Variants in NDUFAF6 observed in about 807,000 individuals in gnomAD.
The protein encoded by NDUFAF6 is NADH:ubiquinone oxidoreductase complex assembly factor 6.
Under a neutral mutation model 40.8 loss-of-function variants are expected in NDUFAF6, and 45 were observed. That is an observed-to-expected ratio of 1.10 (90% CI 0.87 to 1.42). The LOEUF is 1.42. Among genes scored for constraint, NDUFAF6 ranks in the 40% most tolerant of loss-of-function variants. NDUFAF6 has a pLI of 0.00. For synonymous variants in NDUFAF6, 185 were observed against 155.9 expected, an observed-to-expected ratio of 1.19 and a Z score of -1.39; for missense variants, 435 against 418.5, an observed-to-expected ratio of 1.04 and a Z score of -0.34.
intron 1 of NDUFAF6, chr8:94,896,674 C>T (rs1416357298): frequency 6.6e-6 from 1 of 152,064 alleles, no homozygotes; most frequent in African/African-American, 2.4e-5. Flanking sequence ...GACGGAGCCT[C>T]GCGGGCGGGA....
chr8:94,983,256 CTTTTTTTTTTT>C (rs1173077785), intron 2 of NDUFAF6, among the ~76,000 whole-genome samples: 3 of 83,186 alleles, frequency 3.6e-5, no homozygotes, highest in Admixed American at 1.2e-4. Flanking sequence ...CTTTGCTATT[CTTTTTTTTTTT>C]TTTTTTTTTT....
intron 1 of NDUFAF6, among the ~76,000 whole-genome samples, chr8:94,936,636 A>G (rs1358044420): frequency 6.6e-6 from 1 of 152,154 alleles, no homozygotes; most frequent in Admixed American, 6.5e-5. Context: ...CAGAATCACA[A>G]TGAAAACCTG....
chr8:95,095,100 A>T (rs553194461), intron 2 of NDUFAF6, among the ~76,000 whole-genome samples: 31 of 152,064 alleles, frequency 2.0e-4, no homozygotes, highest in Middle Eastern at 3.4e-3. Context: ...CACTCAACAG[A>T]TACTAACCAT....
intron 3 of NDUFAF6, 72 bp downstream of exon 3, chr8:95,035,648 T>TG: frequency 7.2e-7 from 1 of 1,393,850 alleles, no homozygotes; most frequent in South Asian, 1.2e-5. Flanking sequence ...GGATATAATT[T>TG]GGGTACTGGT....
chr8:95,025,275 G>A (rs1235793425), intron 1 of NDUFAF6, 70 bp downstream of exon 1: 2 of 1,315,120 alleles, frequency 1.5e-6, no homozygotes, highest in Non-Finnish European at 1.9e-6. Context: ...TGCGCCTCGC[G>A]TCTGGCCTGA....
intron 9 of NDUFAF6, among the ~76,000 whole-genome samples, chr8:95,065,147 T>C (rs2599707): frequency 0.88 from 133,269 of 152,160 alleles, 58,697 homozygotes; most frequent in East Asian, 1. Flanking sequence ...AGCCTAGGTA[T>C]TAGCAAATTA....
At chr8:95,002,802 G>T (rs557235635) in intron 2 of NDUFAF6, among the ~76,000 whole-genome samples, 15 of 152,206 alleles carry the variant, frequency 9.9e-5, no homozygotes, top group African/African-American at 3.1e-4. Flanking sequence ...GAGGCACCTG[G>T]TTGGCTCATA....
intron 1 of NDUFAF6, among the ~76,000 whole-genome samples, chr8:94,931,593 C>T (rs1820399592): frequency 2.0e-5 from 1 of 49,150 alleles, no homozygotes; most frequent in South Asian, 9.7e-4. Flanking sequence ...TTATTACACA[C>T]ACACACACAC....
At chr8:95,066,288 T>TTGC (rs1491151589) in intron 9 of NDUFAF6, among the ~76,000 whole-genome samples, 2 of 10,626 alleles carry the variant, frequency 1.9e-4, no homozygotes, top group Non-Finnish European at 4.1e-4. Context: ...GCTTGCTTGC[T>TTGC]TTTTTTTTTT....
intron 9 of NDUFAF6, chr8:95,069,178 C>T (rs1587226804): frequency 6.6e-6 from 1 of 151,912 alleles, no homozygotes; most frequent in East Asian, 1.9e-4. Flanking sequence ...GAGCACCAGG[C>T]ACTGTTCTGT....
chr8:95,032,765 A>G (rs889411025), intron 2 of NDUFAF6, among the ~76,000 whole-genome samples: 1 of 152,208 alleles, frequency 6.6e-6, no homozygotes, highest in Non-Finnish European at 1.5e-5. Flanking sequence ...GCAAATTTTG[A>G]CACAGATTCT....
intron 1 of NDUFAF6, among the ~76,000 whole-genome samples, chr8:94,923,007 G>A (rs1323387059): frequency 2.0e-5 from 3 of 152,142 alleles, no homozygotes; most frequent in African/African-American, 7.2e-5. Context: ...CAGCTCAAAT[G>A]TAGAAGCAAG....
chr8:95,104,467 G>A (rs1234461832), downstream of NDUFAF6, among the ~76,000 whole-genome samples: 1 of 152,096 alleles, frequency 6.6e-6, no homozygotes, highest in Admixed American at 6.5e-5. Flanking sequence ...ATGAAAGTAG[G>A]CATCTTACAG....
chr8:95,031,309 A>G (rs144357556), intron 1 of NDUFAF6, among the ~76,000 whole-genome samples: 30 of 152,322 alleles, frequency 2.0e-4, no homozygotes, highest in Non-Finnish European at 3.7e-4. Flanking sequence ...ACAGTCCTAC[A>G]TGAATTTCTA....
intron 2 of NDUFAF6, among the ~76,000 whole-genome samples, chr8:95,032,696 G>C (rs1164849996): frequency 3.9e-5 from 6 of 152,230 alleles, no homozygotes; most frequent in Non-Finnish European, 7.3e-5. Flanking sequence ...GTAATAAATT[G>C]AGAGGTCAGA....
intron 1 of NDUFAF6, among the ~76,000 whole-genome samples, chr8:94,899,245 T>G (rs972885133): frequency 6.6e-6 from 1 of 152,196 alleles, no homozygotes; most frequent in African/African-American, 2.4e-5. Flanking sequence ...AAAAACAATT[T>G]TATTGTTAAA....
At chr8:95,072,017 C>G (rs1463471372) in intron 9 of NDUFAF6, 1 of 152,292 alleles carries the variant, frequency 6.6e-6, no homozygotes, top group East Asian at 1.9e-4. Flanking sequence ...TCTTCTTTAA[C>G]TCTGCACAGA....
At chr8:95,094,400 C>CT (rs71273460) in intron 2 of NDUFAF6, among the ~76,000 whole-genome samples, 136 of 16,292 alleles carry the variant, frequency 8.3e-3, no homozygotes, top group African/African-American at 0.026. Context: ...TCTTTTCTTT[C>CT]TTTTTTTTTT....
downstream of NDUFAF6, among the ~76,000 whole-genome samples, chr8:95,060,287 G>A (rs1461233690): frequency 6.6e-6 from 1 of 151,910 alleles, no homozygotes; most frequent in Non-Finnish European, 1.5e-5. Context: ...CAAATCTCTG[G>A]GTTTTTATTA....
Sources: allele counts gnomAD v4.1 joint callset (sites outside exome capture counted in the v4.1 genomes callset), GRCh38; gene constraint gnomAD v4.1.1; transcripts MANE v1.5; gene names NCBI Gene and HGNC (gene_info 2026-07-23, HGNC 2026-07-21).